The following PPARGC1A variants were observed in gnomAD, a reference collection of about 807,000 sequenced individuals.
PPARGC1A encodes peroxisome proliferator-activated receptor gamma coactivator 1-alpha.
PPARGC1A carries 25 observed loss-of-function variants against 88.7 expected under a neutral mutation model. That is an observed-to-expected ratio of 0.28 (90% CI 0.21 to 0.39). PPARGC1A has a LOEUF of 0.39. PPARGC1A is among the 10% of genes least tolerant of loss of function. PPARGC1A has a pLI of 1.00. For missense variants in PPARGC1A, 880 were observed against 968.7 expected, an observed-to-expected ratio of 0.91 and a Z score of 1.22; for synonymous variants, 363 against 355.6, an observed-to-expected ratio of 1.02 and a Z score of -0.24.
the PPARGC1A span, among the ~76,000 whole-genome samples, chr4:24,105,264 C>T: frequency 1.3e-5 from 2 of 152,160 alleles, no homozygotes; most frequent in African/African-American, 4.8e-5. Flanking sequence ...AAACAGCCAC[C>T]ACCAGTTTCC....
the PPARGC1A span, among the ~76,000 whole-genome samples, chr4:24,046,517 C>A: frequency 6.6e-6 from 1 of 152,024 alleles, no homozygotes; most frequent in Non-Finnish European, 1.5e-5. Context: ...CTTCTTCTAC[C>A]AGACTGATTT....
the PPARGC1A span, among the ~76,000 whole-genome samples, chr4:24,155,275 C>G: frequency 1.3e-5 from 2 of 151,790 alleles, no homozygotes; most frequent in Admixed American, 1.3e-4. Context: ...ACAAATCAAT[C>G]TGTGAAGTAT....
At chr4:24,023,273 C>T in the PPARGC1A span, among the ~76,000 whole-genome samples, 1 of 152,174 alleles carries the variant, frequency 6.6e-6, no homozygotes, top group South Asian at 2.1e-4. Flanking sequence ...TGTTTGATTC[C>T]TTTGTCAGGA....
the PPARGC1A span, among the ~76,000 whole-genome samples, chr4:23,955,212 T>G: frequency 6.6e-6 from 1 of 152,100 alleles, no homozygotes; most frequent in East Asian, 1.9e-4. Flanking sequence ...TCTTTATTGC[T>G]GCTTTTAAAA....
the PPARGC1A span, among the ~76,000 whole-genome samples, chr4:24,219,476 C>T: frequency 6.6e-6 from 1 of 152,160 alleles, no homozygotes; most frequent in South Asian, 2.1e-4. Flanking sequence ...ATTTTTCTGT[C>T]ACTGCCTGCG....
At chr4:24,263,443 ACATGTGGG>A in the PPARGC1A span, among the ~76,000 whole-genome samples, 1 of 111,494 alleles carries the variant, frequency 9.0e-6, no homozygotes, top group African/African-American at 3.6e-5. Context: ...ATGTATACAC[ACATGTGGG>A]TGTATACACA....
the PPARGC1A span, among the ~76,000 whole-genome samples, chr4:23,985,921 A>C: frequency 6.6e-6 from 1 of 151,924 alleles, no homozygotes; most frequent in African/African-American, 2.4e-5. Flanking sequence ...AAATCAGAAA[A>C]CCTGTCCCTC....
chr4:24,006,260 G>A, the PPARGC1A span, among the ~76,000 whole-genome samples: 1 of 152,102 alleles, frequency 6.6e-6, no homozygotes, highest in African/African-American at 2.4e-5. Flanking sequence ...TGTTGGCCAG[G>A]CTGGTCTTGA....
chr4:24,107,389 C>T, the PPARGC1A span, among the ~76,000 whole-genome samples: 2 of 152,124 alleles, frequency 1.3e-5, no homozygotes, highest in East Asian at 1.9e-4. Context: ...AAATGACTTC[C>T]GTCTAGTAGG....
At chr4:24,350,388 C>G in the PPARGC1A span, among the ~76,000 whole-genome samples, 1 of 151,980 alleles carries the variant, frequency 6.6e-6, no homozygotes, top group African/African-American at 2.4e-5. Flanking sequence ...CTGAAAAAAA[C>G]TTTTTTTTTG....
At chr4:24,458,376 C>T in the PPARGC1A span, among the ~76,000 whole-genome samples, 24 of 152,268 alleles carry the variant, frequency 1.6e-4, no homozygotes, top group South Asian at 4.3e-3. Flanking sequence ...TGGCACACGC[C>T]TGTAGTCCCA....
the PPARGC1A span, among the ~76,000 whole-genome samples, chr4:23,959,630 G>A: frequency 2.6e-5 from 4 of 152,060 alleles, no homozygotes; most frequent in Non-Finnish European, 4.4e-5. Context: ...GGAATATAAT[G>A]AGTCTTGCTG....
the PPARGC1A span, among the ~76,000 whole-genome samples, chr4:24,167,388 A>G: frequency 6.6e-6 from 1 of 152,368 alleles, no homozygotes; most frequent in South Asian, 2.1e-4. Flanking sequence ...TGTTGTGGAC[A>G]TTGTTGAAAT....
chr4:24,098,873 C>A, the PPARGC1A span, among the ~76,000 whole-genome samples: 11 of 152,170 alleles, frequency 7.2e-5, no homozygotes, highest in Non-Finnish European at 1.6e-4. Flanking sequence ...ATGAGAACCT[C>A]AATTTTTCTG....
the PPARGC1A span, among the ~76,000 whole-genome samples, chr4:24,156,056 A>C: frequency 3.5e-4 from 54 of 152,318 alleles, no homozygotes; most frequent in Middle Eastern, 3.4e-3. Context: ...CAGGACCCTT[A>C]GCTTTGAATA....
Position 23,812,766 on chromosome 4 carries a change from CT to C in PPARGC1A, c.1999del (p.Arg667GlyfsTer12). ...RESERAKQRE[R>X]QRQKAIEERR... ...ACTTACAATTGCCTTCTGCCTCTGC[CT>C]CTCCCTTTGCTTGGCCCTCTCAGAC... is the stretch of plus-strand genomic sequence containing the variant. On this transcript the variant is annotated frameshift_variant, in exon 10 of 13. Coordinates refer to ENST00000264867, the MANE Select transcript of PPARGC1A (RefSeq NM_013261.5). LOFTEE classifies it high-confidence loss of function. 1 of 1,613,982 alleles carries C rather than the reference CT, an allele frequency of 6.2e-7. No individual in the cohort carries two copies. Among genetic ancestry groups the C allele is most frequent in the Admixed American group, 1.7e-5 (1 of 60,006 alleles).
intron 2 of PPARGC1A, among the ~76,000 whole-genome samples, chr4:23,836,680 G>A (rs1726079750): frequency 6.6e-6 from 1 of 152,198 alleles, no homozygotes; most frequent in South Asian, 2.1e-4. Context: ...AAAAGGCATA[G>A]TTGAAAGAAG....
chr4:24,098,472 A>G, the PPARGC1A span, among the ~76,000 whole-genome samples: 9 of 152,228 alleles, frequency 5.9e-5, no homozygotes, highest in East Asian at 3.8e-4. Context: ...GAAAGCTTCT[A>G]TTACAAAAAA....
chr4:23,814,683 C>A (rs977971625), intron 7 of PPARGC1A, 78 bp from the exon 8 acceptor site: 1 of 1,275,140 alleles, frequency 7.8e-7, no homozygotes, highest in East Asian at 2.5e-5. Flanking sequence ...AATGCGAAGA[C>A]ACATGTTTCT....
Sources: gnomAD v4.1 joint callset for allele counts (sites outside exome capture counted in the v4.1 genomes callset) on GRCh38, gnomAD v4.1.1 for gene constraint, MANE v1.5 for transcripts, NCBI Gene and HGNC (gene_info 2026-07-23, HGNC 2026-07-21) for gene names.